Variants in DCC observed in about 807,000 individuals in gnomAD.
DCC encodes DCC netrin 1 receptor.
A neutral mutation model predicts 172.5 loss-of-function variants in DCC; 58 were observed. That is an observed-to-expected ratio of 0.34 (90% CI 0.27 to 0.42). DCC has a LOEUF of 0.42. DCC is among the 10% of genes least tolerant of loss of function. The probability of loss-of-function intolerance (pLI) is 1.00; values close to 1 mark genes in which losing one functional copy is unlikely to be tolerated. For missense variants in DCC, 1,740 were observed against 1,791.0 expected (o/e 0.97, Z 0.51); for synonymous variants, 709 against 644.5 (o/e 1.10, Z -1.52).
chr18:53,522,268 A>C (rs1052902171), intron 27 of DCC, among the ~76,000 whole-genome samples: 1 of 151,124 alleles, frequency 6.6e-6, no homozygotes, highest in Non-Finnish European at 1.5e-5. Context: ...CCGTGGTTAT[A>C]GTCAGAAGTT....
chr18:53,326,074 A>T (rs1394042891), intron 14 of DCC, among the ~76,000 whole-genome samples: 1 of 152,212 alleles, frequency 6.6e-6, no homozygotes, highest in Admixed American at 6.5e-5. Context: ...CTTACCAGTC[A>T]ATTGTCAAAA....
At chr18:53,426,260 A>T (rs983467766) in intron 21 of DCC, among the ~76,000 whole-genome samples, 3 of 144,434 alleles carry the variant, frequency 2.1e-5, no homozygotes, top group African/African-American at 7.6e-5. Context: ...TTTATATATA[A>T]ATACATATAT....
chr18:53,076,539 C>T (rs994494050), intron 7 of DCC, among the ~76,000 whole-genome samples: 2 of 152,066 alleles, frequency 1.3e-5, no homozygotes, highest in East Asian at 3.9e-4. Context: ...TAGTAGATCC[C>T]GTGGCAATGC....
intron 5 of DCC, among the ~76,000 whole-genome samples, chr18:53,001,954 C>T (rs2041571433): frequency 6.6e-6 from 1 of 152,016 alleles, no homozygotes; most frequent in Admixed American, 6.6e-5. Context: ...AGCCTTTACC[C>T]CATGAAAAAC....
At chr18:52,386,859 G>A (rs891208775) in intron 1 of DCC, among the ~76,000 whole-genome samples, 3 of 151,986 alleles carry the variant, frequency 2.0e-5, no homozygotes, top group Admixed American at 1.3e-4. Context: ...TTCACCATAA[G>A]CTCAATGTCC....
intron 1 of DCC, among the ~76,000 whole-genome samples, chr18:52,683,713 A>G (rs960605582): frequency 2.0e-5 from 3 of 152,058 alleles, no homozygotes; most frequent in Non-Finnish European, 4.4e-5. Flanking sequence ...AGAAAAGTGA[A>G]TCTCCAGGCT....
chr18:52,952,103 A>G (rs1277547434), intron 5 of DCC, among the ~76,000 whole-genome samples: 4 of 152,176 alleles, frequency 2.6e-5, no homozygotes, highest in African/African-American at 9.6e-5. Context: ...TTCTTCTCTA[A>G]CCTGACACAC....
intron 7 of DCC, among the ~76,000 whole-genome samples, chr18:53,104,041 CAA>C (rs1470368546): frequency 6.6e-6 from 1 of 151,900 alleles, no homozygotes; most frequent in East Asian, 1.9e-4. Context: ...GCTAAAATGC[CAA>C]AATTCACAAA....
At chr18:53,431,057 G>C (rs1173137684) in intron 21 of DCC, among the ~76,000 whole-genome samples, 1 of 152,044 alleles carries the variant, frequency 6.6e-6, no homozygotes, top group Non-Finnish European at 1.5e-5. Flanking sequence ...TGAAATTTCT[G>C]ATTAGGACCT....
At chr18:52,896,446 C>T (rs2039730889) in intron 2 of DCC, among the ~76,000 whole-genome samples, 1 of 152,152 alleles carries the variant, frequency 6.6e-6, no homozygotes, top group Non-Finnish European at 1.5e-5. Context: ...ATAGTTGCCA[C>T]TATTCATTAT....
chr18:53,234,990 A>G (rs754151233), intron 12 of DCC, among the ~76,000 whole-genome samples: 2 of 151,862 alleles, frequency 1.3e-5, no homozygotes, highest in African/African-American at 4.8e-5. Context: ...TGTTTGAAAA[A>G]CCTCATGAGG....
chr18:52,443,174 A>G (rs1357138350), intron 1 of DCC, among the ~76,000 whole-genome samples: 1 of 152,206 alleles, frequency 6.6e-6, no homozygotes, highest in Non-Finnish European at 1.5e-5. Flanking sequence ...GTTGAGTTCA[A>G]TATTGTGATG....
chr18:53,431,785 T>G (rs1430525228), intron 21 of DCC, among the ~76,000 whole-genome samples: 3 of 152,104 alleles, frequency 2.0e-5, no homozygotes. Context: ...CACCTGGCCT[T>G]CATATAGTAC....
At chr18:52,710,769 C>G (rs115380612) in intron 1 of DCC, among the ~76,000 whole-genome samples, 1 of 152,138 alleles carries the variant, frequency 6.6e-6, no homozygotes, top group Non-Finnish European at 1.5e-5. Flanking sequence ...TAGGATGGCT[C>G]AGGTTAATAG....
intron 5 of DCC, among the ~76,000 whole-genome samples, chr18:52,988,479 A>T (rs2041331075): frequency 6.6e-6 from 1 of 152,108 alleles, no homozygotes; most frequent in Non-Finnish European, 1.5e-5. Context: ...TAACATATTT[A>T]AAAAATGAGA....
intron 5 of DCC, among the ~76,000 whole-genome samples, chr18:53,018,875 C>T (rs1344118068): frequency 6.6e-6 from 1 of 152,082 alleles, no homozygotes; most frequent in Admixed American, 6.5e-5. Flanking sequence ...TTGTTTTATA[C>T]CAAAATCATG....
In DCC at chr18:52,395,736, C is replaced by T. The variant is rs546401995; in HGVS notation, c.91+54858C>T. 2.6e-5 allele frequency among the ~76,000 whole-genome samples: 4 copies of T among 152,108 alleles called. No individual in the cohort carries two copies. In the East Asian group the frequency reaches 5.8e-4, roughly 22 times the overall value. ...GGCAAATCAGAACCAATGTTATTCT[C>T]CCAGATTTGGGGCATCACATCTATT... On this transcript the variant is annotated intron_variant, in intron 1 of 28. Coordinates refer to ENST00000442544, the MANE Select transcript of DCC (RefSeq NM_005215.4).
At chr18:52,963,395 G>A (rs1020463793) in intron 5 of DCC, among the ~76,000 whole-genome samples, 2 of 152,014 alleles carry the variant, frequency 1.3e-5, no homozygotes, top group Non-Finnish European at 2.9e-5. Flanking sequence ...CTTACCAAGT[G>A]AGCACATATT....
chr18:53,310,991 G>GACACACACACACACACACAC (rs5825008), intron 13 of DCC, among the ~76,000 whole-genome samples: 2,819 of 145,692 alleles, frequency 0.019, 61 homozygotes, highest in South Asian at 0.068. Flanking sequence ...AAGCATCTAG[G>GACACACACACACACACACAC]ACACACACAC....
Sources: gnomAD v4.1 joint callset for allele counts (sites outside exome capture counted in the v4.1 genomes callset) on GRCh38, gnomAD v4.1.1 for gene constraint, MANE v1.5 for transcripts, NCBI Gene and HGNC (gene_info 2026-07-23, HGNC 2026-07-21) for gene names.